TSPAN15: variants seen among roughly 807,000 people sequenced by gnomAD.
TSPAN15 encodes the protein tetraspanin-15.
TSPAN15 carries 20 observed loss-of-function variants against 34.5 expected under a neutral mutation model. That is an observed-to-expected ratio of 0.58 (90% CI 0.41 to 0.84). TSPAN15 has a LOEUF of 0.84. TSPAN15 is among the 40% of genes least tolerant of loss of function. The pLI, the probability that TSPAN15 is intolerant of heterozygous loss-of-function variation, is 0.00. For missense variants in TSPAN15, 313 were observed against 386.1 expected (o/e 0.81, Z 1.59); for synonymous variants, 155 against 153.9 (o/e 1.01, Z -0.05).
At chr10:69,510,243 C>T (rs1842401231), downstream of TSPAN15, among the ~76,000 whole-genome samples, 1 of 152,204 alleles carries the variant, frequency 6.6e-6, no homozygotes, top group Non-Finnish European at 1.5e-5. Context: ...TTTGTGTCTT[C>T]TCTTATTTCC....
intron 4 of TSPAN15, among the ~76,000 whole-genome samples, chr10:69,495,932 TC>T (rs1842070681): frequency 6.6e-6 from 1 of 152,040 alleles, no homozygotes; most frequent in South Asian, 2.1e-4. Flanking sequence ...ACCCTTCTGT[TC>T]CTCTCCAGTT....
the TSPAN15 span, among the ~76,000 whole-genome samples, chr10:69,539,482 GAGAAGAAGAAGAAGAAGA>G: frequency 3.0e-5 from 2 of 67,030 alleles, 1 homozygote; most frequent in Non-Finnish European, 5.8e-5. Context: ...GAAGGAGAAG[GAGAAGAAGAAGAAGAAGA>G]AGAAGAAGAA....
chr10:69,467,233 A>G (rs576166859), intron 1 of TSPAN15, among the ~76,000 whole-genome samples: 16 of 152,270 alleles, frequency 1.1e-4, no homozygotes, highest in African/African-American at 3.6e-4. Context: ...TAATAGGTGC[A>G]CTTGGATGTG....
the TSPAN15 span, among the ~76,000 whole-genome samples, chr10:69,516,565 G>T: frequency 2.0e-5 from 3 of 152,282 alleles, no homozygotes; most frequent in East Asian, 1.9e-4. Context: ...TGGAGGGCAG[G>T]TTCTTCATCT....
intron 1 of TSPAN15, among the ~76,000 whole-genome samples, chr10:69,477,448 G>A (rs1439750099): frequency 3.9e-5 from 6 of 152,160 alleles, no homozygotes. Flanking sequence ...CCTTCAGAAA[G>A]GAACCTTGTA....
rs767298688 is a variant in TSPAN15 at position 69,451,565 on chromosome 10, C to A, written c.-30C>A. On this transcript the variant is annotated 5_prime_UTR_variant, in exon 1 of 8. Transcript: ENST00000373290. ...GGGACCGAGCCGGAGAGCCCCGGAG[C>A]CCCCGTAACCCGCGCGGGGAGCGCC... 6.2e-5 allele frequency: 86 copies of A among 1,394,376 alleles called. No homozygotes were observed. In the South Asian group the frequency reaches 9.1e-4, roughly 15 times the overall value. The allele number at this position is 1,394,376 out of a possible 1,614,324, so 86.4% of individuals were successfully genotyped here.
At position 69,451,618 on chromosome 10, in the gene TSPAN15, G is replaced by C; in HGVS notation, c.24G>C (p.Gln8His). 6.6e-7 allele frequency: 1 copy of C among 1,526,682 alleles called. No homozygotes were observed. The highest frequency in any genetic ancestry group is 8.8e-7 in the Non-Finnish European group (1 of 1,134,592). The allele number at this position is 1,526,682 out of a possible 1,614,324, so 94.6% of individuals were successfully genotyped here. A position where few individuals can be genotyped will look rare whatever the true frequency, so the allele number is the denominator to read the frequency against. The stretch of plus-strand genomic sequence containing the variant: ...GGATGCCGCGCGGGGACTCGGAGCA[G>C]GTGCGCTACTGCGCGCGCTTCTCCT... MPRGDSE[Q>H]VRYCARFSYL... is the part of the protein sequence containing the mutation. The change falls in exon 1 of 8, where the codon CAG (glutamine) becomes CAC (histidine). Residue 8 changes from glutamine (Q) to histidine (H), a missense_variant. Physicochemically the swap from Gln to His is conservative, Grantham distance 24 (BLOSUM62 0). Transcript: ENST00000373290.
At chr10:69,491,628 A>G (rs3829182) in intron 3 of TSPAN15, among the ~76,000 whole-genome samples, 25,310 of 151,926 alleles carry the variant, frequency 0.17, 2,621 homozygotes, top group Non-Finnish European at 0.23. Flanking sequence ...ATCCCAAAGT[A>G]CTGGGATTAT....
At chr10:69,464,725 G>A (rs896300867) in intron 1 of TSPAN15, among the ~76,000 whole-genome samples, 11 of 152,292 alleles carry the variant, frequency 7.2e-5, no homozygotes, top group Admixed American at 2.6e-4. Flanking sequence ...GCCGTAGAGG[G>A]CATCTAGTGT....
the TSPAN15 span, among the ~76,000 whole-genome samples, chr10:69,539,563 G>GAGAAGAAGAAGAAGAAGAAGAAGAAGA: frequency 9.9e-6 from 1 of 101,512 alleles, no homozygotes; most frequent in African/African-American, 3.4e-5. Flanking sequence ...GAAGGAGAAG[G>GAGAAGAAGAAGAAGAAGAAGAAGAAGA]AGAAGAAGAC....
Position 69,470,816 on chromosome 10 carries a change from C to T in TSPAN15, c.97-12875C>T, listed in dbSNP as rs74475172. Among the ~76,000 whole-genome samples the T allele has an allele frequency of 8.5e-3, 1,296 of 152,314 alleles. 22 individuals are homozygous for T. The highest frequency in any genetic ancestry group is 0.029 in the African/African-American group (1,200 of 41,566). On this transcript the variant is annotated intron_variant, in intron 1 of 7. Coordinates refer to ENST00000373290, the MANE Select transcript of TSPAN15 (RefSeq NM_012339.5). ...CCACTCAGAGCAAAAGTCAAGTCTT[C>T]TCAGTGGCCTCAGAGTCCCCTCCTG...
the TSPAN15 span, among the ~76,000 whole-genome samples, chr10:69,537,281 A>G: frequency 2.0e-5 from 3 of 152,250 alleles, no homozygotes; most frequent in East Asian, 3.8e-4. Flanking sequence ...ATGGCACTGC[A>G]TATGGCTGGC....
At chr10:69,471,189 T>G (rs975927679) in intron 1 of TSPAN15, among the ~76,000 whole-genome samples, 1 of 152,268 alleles carries the variant, frequency 6.6e-6, no homozygotes, top group African/African-American at 2.4e-5. Flanking sequence ...TTTCTTTCAT[T>G]GCTCTCGTTG....
the TSPAN15 span, among the ~76,000 whole-genome samples, chr10:69,530,779 ACTCTCTCTCTCTCTCTCT>A: frequency 1.4e-4 from 7 of 50,034 alleles, no homozygotes; most frequent in South Asian, 9.4e-4. Flanking sequence ...ACAGAGTGAG[ACTCTCTCTCTCTCTCTCT>A]CTCTCTCTCT....
intron 1 of TSPAN15, among the ~76,000 whole-genome samples, chr10:69,480,834 A>T (rs1048660265): frequency 6.6e-6 from 1 of 152,118 alleles, no homozygotes; most frequent in African/African-American, 2.4e-5. Flanking sequence ...AGTAGCTGGG[A>T]TTACAGACAT....
chr10:69,529,246 G>A, the TSPAN15 span, among the ~76,000 whole-genome samples: 30 of 147,628 alleles, frequency 2.0e-4, 4 homozygotes, highest in African/African-American at 6.1e-4. Context: ...AATTCCCACC[G>A]CAACTCAGAA....
chr10:69,492,821 C>G (rs1841996478), intron 3 of TSPAN15, among the ~76,000 whole-genome samples: 1 of 152,174 alleles, frequency 6.6e-6, no homozygotes, highest in Non-Finnish European at 1.5e-5. Flanking sequence ...GTCCAAACAG[C>G]ACAGTGGCCA....
chr10:69,543,177 T>A, the TSPAN15 span, among the ~76,000 whole-genome samples: 1 of 152,104 alleles, frequency 6.6e-6, no homozygotes, highest in Admixed American at 6.5e-5. Context: ...AATGCATTCG[T>A]CTGTGGTTCA....
At chr10:69,496,524 G>A (rs149828695) in intron 4 of TSPAN15, among the ~76,000 whole-genome samples, 199 of 152,236 alleles carry the variant, frequency 1.3e-3, no homozygotes, top group African/African-American at 4.6e-3. Flanking sequence ...TTCAGGAGAC[G>A]TGCTTAGAAC....
Sources: allele counts gnomAD v4.1 joint callset (sites outside exome capture counted in the v4.1 genomes callset), GRCh38; gene constraint gnomAD v4.1.1; transcripts MANE v1.5; gene names NCBI Gene and HGNC (gene_info 2026-07-23, HGNC 2026-07-21).